The following TECRL variants were observed in gnomAD, a reference collection of about 807,000 sequenced individuals.
TECRL encodes the protein trans-2,3-enoyl-CoA reductase-like.
In TECRL, 63 loss-of-function variants were observed where a neutral mutation model predicts 52.8. That is an observed-to-expected ratio of 1.19 (90% CI 0.97 to 1.47). The LOEUF is 1.47. TECRL is among the 40% of genes most tolerant of loss of function. TECRL has a pLI of 0.00. For missense variants in TECRL, 482 were observed against 429.6 expected (o/e 1.12, Z -1.08); for synonymous variants, 164 against 141.9 (o/e 1.16, Z -1.10).
At chr4:64,389,367 A>G (rs2109740973) in intron 1 of TECRL, among the ~76,000 whole-genome samples, 1 of 152,028 alleles carries the variant, frequency 6.6e-6, no homozygotes, top group Non-Finnish European at 1.5e-5. Context: ...GTATCTGCTG[A>G]TAAAATTGTG....
Position 64,289,736 on chromosome 4 carries a change from A to G in TECRL, c.806T>C (p.Val269Ala), listed in dbSNP as rs775252692. The G allele has an allele frequency of 9.0e-6, 14 of 1,550,790 alleles. No homozygotes were observed. Among genetic ancestry groups the G allele is most frequent in the Non-Finnish European group, 2.6e-6 (3 of 1,157,900 alleles). Residue 269 changes from valine to alanine, a missense_variant, in exon 9 of 12, where the codon GTA becomes GCA. By Grantham distance (64) the Val-to-Ala change is moderately conservative. Transcript: ENST00000381210. ...TGTGTGATTGGGATGAGACAACATTACATTGATGAAATGATTCCCAGCTTC... is the reference window on the plus strand; with the variant it reads ...TGTGTGATTGGGATGAGACAACATTGCATTGATGAAATGATTCCCAGCTTC... The part of the protein sequence containing the change: ...ICEAGNHFIN[V>A]MLSHPNHTGN...
intron 2 of TECRL, among the ~76,000 whole-genome samples, chr4:64,372,453 T>A (rs1722041059): frequency 6.6e-6 from 1 of 151,846 alleles, no homozygotes; most frequent in Non-Finnish European, 1.5e-5. Flanking sequence ...CTCTTTCTAT[T>A]TCTTCACCAG....
At chr4:64,346,844 T>G (rs1720024756) in intron 2 of TECRL, among the ~76,000 whole-genome samples, 1 of 152,214 alleles carries the variant, frequency 6.6e-6, no homozygotes, top group Admixed American at 6.5e-5. Context: ...TATGAAGGAC[T>G]TTTTTCATAT....
intron 9 of TECRL, among the ~76,000 whole-genome samples, chr4:64,288,557 T>C (rs1723204027): frequency 6.6e-6 from 1 of 152,146 alleles, no homozygotes; most frequent in Non-Finnish European, 1.5e-5. Flanking sequence ...AATGAACCAT[T>C]TCTTGCTCGG....
At position 64,405,399 on chromosome 4, in the gene TECRL, A is replaced by G. The variant is rs552191940; in HGVS notation, c.234+3719T>C. Among the ~76,000 whole-genome samples, 6 of 152,214 alleles carry G rather than the reference A, an allele frequency of 3.9e-5. No individual in the cohort carries two copies. In the East Asian group the frequency reaches 1.2e-3, roughly 29 times the overall value. ...AGCTATTGCCAAGAAGATGGATTGT[A>G]TGTGAGGTGTCAGATTAAAAGACAA... On this transcript the variant is annotated intron_variant, in intron 1 of 11. Transcript: ENST00000381210.
At chr4:64,276,888 C>CTTAT (rs893937453), downstream of TECRL, 8 of 493,768 alleles carry the variant, frequency 1.6e-5, no homozygotes, top group African/African-American at 1.5e-4. Flanking sequence ...TGTGTACATA[C>CTTAT]TTATGTATAG....
At chr4:64,308,118 T>C (rs1239523636) in intron 6 of TECRL, among the ~76,000 whole-genome samples, 1 of 152,012 alleles carries the variant, frequency 6.6e-6, no homozygotes, top group African/African-American at 2.4e-5. Flanking sequence ...GAGTGGGGAA[T>C]GAGAGAGGAG....
At position 64,305,799 on chromosome 4, in the gene TECRL, G is replaced by A. The variant is rs181839799; in HGVS notation, c.658-561C>T. Among the ~76,000 whole-genome samples, 998 of 152,212 alleles carry A rather than the reference G, an allele frequency of 6.6e-3. 5 individuals are homozygous for A. Among genetic ancestry groups the A allele is most frequent in the Non-Finnish European group, 9.0e-3 (614 of 68,006 alleles). On this transcript the variant is annotated intron_variant, in intron 6 of 11. Transcript: ENST00000381210. ...TGCACAGATGCAACACCCCCAGGGGGAATTTTACCACTCCCCTTAGGGTAG... is the reference window on the plus strand; with the variant it reads ...TGCACAGATGCAACACCCCCAGGGGAAATTTTACCACTCCCCTTAGGGTAG...
chr4:64,306,329 G>A (rs1380286367), intron 6 of TECRL, among the ~76,000 whole-genome samples: 2 of 152,034 alleles, frequency 1.3e-5, no homozygotes, highest in Non-Finnish European at 2.9e-5. Context: ...CGTTGTGTGG[G>A]ACTTAGAAGG....
At chr4:64,391,318 A>G (rs1723530199) in intron 1 of TECRL, among the ~76,000 whole-genome samples, 1 of 151,874 alleles carries the variant, frequency 6.6e-6, no homozygotes, top group Non-Finnish European at 1.5e-5. Flanking sequence ...TTTGAATGCC[A>G]TATATTTTCA....
intron 7 of TECRL, among the ~76,000 whole-genome samples, chr4:64,301,636 A>G (rs1325126951): frequency 2.6e-5 from 4 of 151,266 alleles, no homozygotes; most frequent in African/African-American, 9.7e-5. Flanking sequence ...ATTTAATAAA[A>G]TAACTGAAAA....
intron 2 of TECRL, among the ~76,000 whole-genome samples, chr4:64,362,561 A>T (rs1721273683): frequency 6.6e-6 from 1 of 152,096 alleles, no homozygotes; most frequent in Admixed American, 6.6e-5. Context: ...CAGCACCATT[A>T]AAAAAAGAAA....
chr4:64,310,507 C>CT (rs1724611650), intron 5 of TECRL, among the ~76,000 whole-genome samples: 1 of 152,066 alleles, frequency 6.6e-6, no homozygotes, highest in Non-Finnish European at 1.5e-5. Context: ...TTGCTGTACT[C>CT]TAAGTTACCA....
chr4:64,317,575 G>A (rs1224755781), intron 4 of TECRL, among the ~76,000 whole-genome samples: 1 of 152,154 alleles, frequency 6.6e-6, no homozygotes, highest in East Asian at 1.9e-4. Flanking sequence ...AAAGTTTTGG[G>A]AGCATTTATC....
chr4:64,279,452 G>T lies in TECRL; in HGVS notation c.*620C>A, dbSNP rs1001802257. ...TTTTGTAGAGACAGAGTCTCAATAT[G>T]CTTTTTAGAGACAGAGTCTCAATAT... On this transcript the variant is annotated 3_prime_UTR_variant, in exon 12 of 12. Coordinates refer to ENST00000381210, the MANE Select transcript of TECRL (RefSeq NM_001010874.5). 1 of 152,136 alleles carries T rather than the reference G, an allele frequency of 6.6e-6. No individual in the cohort carries two copies. 9.4% of individuals were successfully genotyped at this position (152,136 alleles called of 1,614,324 possible).
chr4:64,365,751 A>T (rs1290094066), intron 2 of TECRL, among the ~76,000 whole-genome samples: 1 of 152,038 alleles, frequency 6.6e-6, no homozygotes, highest in Non-Finnish European at 1.5e-5. Flanking sequence ...AACAAAAAAA[A>T]ATTACATGCT....
At chr4:64,402,615 A>C (rs906453468) in intron 1 of TECRL, among the ~76,000 whole-genome samples, 2 of 152,152 alleles carry the variant, frequency 1.3e-5, no homozygotes, top group South Asian at 2.1e-4. Flanking sequence ...AACACACTTC[A>C]AGCAAGGGAA....
chr4:64,368,155 T>G (rs564964173), intron 2 of TECRL, among the ~76,000 whole-genome samples: 1 of 152,312 alleles, frequency 6.6e-6, no homozygotes, highest in Non-Finnish European at 1.5e-5. Flanking sequence ...TTTCATAAAA[T>G]GTAACCATGT....
intron 6 of TECRL, among the ~76,000 whole-genome samples, chr4:64,309,245 C>T (rs569921226): frequency 6.6e-6 from 1 of 152,082 alleles, no homozygotes; most frequent in Non-Finnish European, 1.5e-5. Context: ...ACAGACAAAC[C>T]TTTTTCTGAA....
Sources: gnomAD v4.1 joint callset for allele counts (sites outside exome capture counted in the v4.1 genomes callset) on GRCh38, gnomAD v4.1.1 for gene constraint, MANE v1.5 for transcripts, NCBI Gene and HGNC (gene_info 2026-07-23, HGNC 2026-07-21) for gene names.